IKZF3: variants seen among roughly 807,000 people sequenced by gnomAD.
The protein encoded by IKZF3 is zinc finger protein Aiolos.
In IKZF3, 10 loss-of-function variants were observed where a neutral mutation model predicts 49.0. The ratio of observed to expected loss-of-function variants is 0.20; its 90% CI spans 0.13 to 0.35. The LOEUF (loss-of-function observed/expected upper bound fraction) is 0.35. IKZF3 is among the 10% of genes least tolerant of loss of function. The pLI, the probability that IKZF3 is intolerant of heterozygous loss-of-function variation, is 1.00. For missense variants in IKZF3, 498 were observed against 664.8 expected, an observed-to-expected ratio of 0.75 and a Z score of 2.76; for synonymous variants, 209 against 228.2, an observed-to-expected ratio of 0.92 and a Z score of 0.76.
chr17:39,788,264 C>A lies in IKZF3; in HGVS notation c.703G>T (p.Asp235Tyr). 6.2e-7 allele frequency: 1 copy of A among 1,607,342 alleles called. No homozygotes were observed. The highest frequency in any genetic ancestry group is 1.1e-5 in the South Asian group (1 of 90,924). Residue 235 changes from aspartate to tyrosine, a missense_variant, in exon 6 of 8, where the codon GAC becomes TAC. Transcript: ENST00000346872. The part of the protein sequence containing the change: ...RTFLQSTDPG[D>Y]TASAEARHIK... ...GTGTGTTGCGTGAACTCACCAGTGTCCCCTGGGTCAGTGCTCTGAAGAAAT... is the reference window on the plus strand; with the variant it reads ...GTGTGTTGCGTGAACTCACCAGTGTACCCTGGGTCAGTGCTCTGAAGAAAT...
intron 1 of IKZF3, among the ~76,000 whole-genome samples, chr17:39,848,672 T>G (rs1160621495): frequency 1.6e-5 from 2 of 127,038 alleles, no homozygotes; most frequent in African/African-American, 5.1e-5. Flanking sequence ...CTGGAGTAGG[T>G]AAAGATTTAT....
chr17:39,854,689 T>C (rs373498982), intron 1 of IKZF3, among the ~76,000 whole-genome samples: 54 of 152,296 alleles, frequency 3.5e-4, no homozygotes, highest in African/African-American at 1.2e-3. Context: ...TGTGGTGCTA[T>C]TAACAGTGTT....
intron 3 of IKZF3, among the ~76,000 whole-genome samples, chr17:39,821,188 G>T (rs1395157705): frequency 6.6e-6 from 1 of 152,138 alleles, no homozygotes; most frequent in Non-Finnish European, 1.5e-5. Context: ...CTGAAGTAGG[G>T]GCGGTCTGTG....
intron 2 of IKZF3, among the ~76,000 whole-genome samples, chr17:39,830,847 C>T (rs1227731938): frequency 6.6e-6 from 1 of 152,300 alleles, no homozygotes; most frequent in East Asian, 1.9e-4. Context: ...ACCAAACACA[C>T]GCGGGAGCGA....
rs935701583 is a variant in IKZF3, at chr17:39,764,192, G to C, written c.*1598C>G. Reference sequence around the variant, plus strand: ...TTAAGAGTTAAATAAGGCTGGGTGTGGTGGCTCACACCTGTAATCCCAGCA... The same window carrying C: ...TTAAGAGTTAAATAAGGCTGGGTGTCGTGGCTCACACCTGTAATCCCAGCA... On this transcript the variant is annotated 3_prime_UTR_variant, in exon 8 of 8. Transcript: ENST00000346872. 6.6e-6 allele frequency: 1 copy of C among 152,096 alleles called. No individual in the cohort carries two copies. Among genetic ancestry groups the C allele is most frequent in the African/African-American group, 2.4e-5 (1 of 41,426 alleles). The allele number at this position is 152,096 out of a possible 1,614,324, so 9.4% of individuals were successfully genotyped here.
At chr17:39,806,149 T>G (rs994857626) in intron 3 of IKZF3, among the ~76,000 whole-genome samples, 3 of 152,206 alleles carry the variant, frequency 2.0e-5, no homozygotes, top group African/African-American at 4.8e-5. Context: ...GTGAATTTTC[T>G]CATTTGTGTT....
rs908553781 is a variant in IKZF3, at chr17:39,760,936, A to C, written c.*4854T>G. The C allele has an allele frequency of 1.3e-5, 2 of 152,240 alleles. No individual in the cohort carries two copies. The highest frequency in any genetic ancestry group is 4.8e-5 in the African/African-American group (2 of 41,440). The allele number at this position is 152,240 out of a possible 1,614,324, so 9.4% of individuals were successfully genotyped here. On this transcript the variant is annotated 3_prime_UTR_variant, in exon 8 of 8. Coordinates refer to ENST00000346872, the MANE Select transcript of IKZF3 (RefSeq NM_012481.5). ...GAGGCTGAGGTGGGCAGATTGCTTG[A>C]GCCCAGGATTTTGAGACTAGCCTGG...
At chr17:39,780,283 A>C (rs1187113294) in intron 6 of IKZF3, among the ~76,000 whole-genome samples, 1 of 150,708 alleles carries the variant, frequency 6.6e-6, no homozygotes, top group Non-Finnish European at 1.5e-5. Flanking sequence ...AAATATTTCT[A>C]ATTTTATTAG....
chr17:39,850,768 T>G (rs1186040647), intron 1 of IKZF3, among the ~76,000 whole-genome samples: 1 of 96,142 alleles, frequency 1.0e-5, no homozygotes, highest in East Asian at 3.0e-4. Context: ...ATATTATATA[T>G]AATATATAGT....
chr17:39,828,930 G>A (rs2062029297), intron 3 of IKZF3, among the ~76,000 whole-genome samples: 1 of 152,078 alleles, frequency 6.6e-6, no homozygotes, highest in Admixed American at 6.6e-5. Context: ...AAACATGGGA[G>A]GCGGAGGTTG....
chr17:39,842,050 A>AAAAAAAAAAAAG, intron 1 of IKZF3, among the ~76,000 whole-genome samples: 2 of 148,698 alleles, frequency 1.3e-5, no homozygotes, highest in African/African-American at 2.5e-5. Flanking sequence ...AAAAAAAAAA[A>AAAAAAAAAAAAG]AAAAAAAAAC....
intron 3 of IKZF3, among the ~76,000 whole-genome samples, chr17:39,798,354 A>G (rs1399304447): frequency 6.6e-6 from 1 of 152,210 alleles, no homozygotes; most frequent in Non-Finnish European, 1.5e-5. Flanking sequence ...ATAATTTAAA[A>G]GGCCTTTCGG....
chr17:39,854,537 T>C (rs2062982341), intron 1 of IKZF3, among the ~76,000 whole-genome samples: 1 of 152,120 alleles, frequency 6.6e-6, no homozygotes, highest in Non-Finnish European at 1.5e-5. Flanking sequence ...GGAGTTACAG[T>C]CTAGAAGTCA....
chr17:39,804,335 C>G (rs182955746), intron 3 of IKZF3, among the ~76,000 whole-genome samples: 2 of 151,988 alleles, frequency 1.3e-5, no homozygotes, highest in African/African-American at 4.8e-5. Flanking sequence ...GTAATCCCAG[C>G]TACTCAGGAG....
chr17:39,859,544 A>C (rs1054906734), intron 1 of IKZF3, among the ~76,000 whole-genome samples: 1 of 151,672 alleles, frequency 6.6e-6, no homozygotes, highest in South Asian at 2.1e-4. Context: ...ATGTGCTACC[A>C]CACCTGGCTA....
chr17:39,819,634 C>G (rs1254472526), intron 3 of IKZF3, among the ~76,000 whole-genome samples: 1 of 152,114 alleles, frequency 6.6e-6, no homozygotes, highest in Non-Finnish European at 1.5e-5. Flanking sequence ...TTCTTGGTCT[C>G]TTAAGAAATT....
intron 6 of IKZF3, 88 bp from the exon 7 acceptor site, chr17:39,777,855 G>A (rs955810264): frequency 1.2e-5 from 19 of 1,545,964 alleles, no homozygotes; most frequent in East Asian, 6.8e-5. Flanking sequence ...AGAAGTGTCC[G>A]AAGTTGGATG....
At chr17:39,784,738 TA>T (rs2060833112) in intron 6 of IKZF3, among the ~76,000 whole-genome samples, 1 of 152,138 alleles carries the variant, frequency 6.6e-6, no homozygotes, top group Non-Finnish European at 1.5e-5. Flanking sequence ...GGCTTAACCT[TA>T]ACTCATCTTT....
At chr17:39,810,093 G>C (rs575870746) in intron 3 of IKZF3, among the ~76,000 whole-genome samples, 1 of 152,258 alleles carries the variant, frequency 6.6e-6, no homozygotes, top group African/African-American at 2.4e-5. Context: ...ACTATTGATT[G>C]ATTTCTCAAA....
Sources: gnomAD v4.1 joint callset for allele counts (sites outside exome capture counted in the v4.1 genomes callset) on GRCh38, gnomAD v4.1.1 for gene constraint, MANE v1.5 for transcripts, NCBI Gene and HGNC (gene_info 2026-07-23, HGNC 2026-07-21) for gene names.